Variants in PTPRE observed in about 807,000 individuals in gnomAD.
PTPRE encodes the protein protein tyrosine phosphatase receptor type E.
PTPRE carries 51 observed loss-of-function variants against 102.0 expected under a neutral mutation model. The observed-to-expected ratio is 0.50, with a 90% CI of 0.40 to 0.63. PTPRE has a LOEUF of 0.63. Among genes scored for constraint, PTPRE ranks in the 30% least tolerant of loss-of-function variants. The pLI, the probability that PTPRE is intolerant of heterozygous loss-of-function variation, is 0.00. For synonymous variants in PTPRE, 345 were observed against 348.2 expected, an observed-to-expected ratio of 0.99 and a Z score of 0.10; for missense variants, 752 against 915.1, an observed-to-expected ratio of 0.82 and a Z score of 2.30.
intron 2 of PTPRE, among the ~76,000 whole-genome samples, chr10:128,023,081 CAT>C (rs1174702498): frequency 2.2e-4 from 33 of 152,300 alleles, no homozygotes; most frequent in African/African-American, 7.7e-4. Flanking sequence ...GCCCAAAATA[CAT>C]GAGTAGAGTG....
chr10:128,029,250 T>C (rs115216712), intron 2 of PTPRE, among the ~76,000 whole-genome samples: 1,912 of 152,248 alleles, frequency 0.013, 43 homozygotes, highest in African/African-American at 0.043. Flanking sequence ...TCCTAGTTCT[T>C]GGTGACTTAG....
chr10:128,041,254 G>C (rs758008139), intron 3 of PTPRE, among the ~76,000 whole-genome samples: 1 of 152,166 alleles, frequency 6.6e-6, no homozygotes, highest in East Asian at 1.9e-4. Context: ...CTGGAGGCAG[G>C]AGTGCAAAAG....
intron 2 of PTPRE, among the ~76,000 whole-genome samples, chr10:128,033,377 CA>C (rs1037095826): frequency 2.0e-5 from 3 of 152,180 alleles, no homozygotes; most frequent in African/African-American, 7.2e-5. Context: ...CAGGAATTTT[CA>C]AACAAAATCA....
At chr10:128,076,288 T>G (rs146280071) in intron 17 of PTPRE, among the ~76,000 whole-genome samples, 68 of 152,298 alleles carry the variant, frequency 4.5e-4, no homozygotes, top group African/African-American at 1.6e-3. Context: ...ACATCAACCC[T>G]GGTAGGGAAT....
intron 2 of PTPRE, among the ~76,000 whole-genome samples, chr10:128,016,749 GT>G (rs1845467106): frequency 1.3e-5 from 2 of 152,288 alleles, no homozygotes; most frequent in Admixed American, 6.5e-5. Context: ...TCATGCTACT[GT>G]TTTGGATTTG....
At chr10:127,948,097 A>T (rs1848753912) in intron 1 of PTPRE, among the ~76,000 whole-genome samples, 2 of 152,074 alleles carry the variant, frequency 1.3e-5, no homozygotes, top group Non-Finnish European at 1.5e-5. Context: ...AGCCCTGTAG[A>T]TGCTTAGATG....
At chr10:128,010,223 A>T (rs1265910124) in intron 2 of PTPRE, among the ~76,000 whole-genome samples, 1 of 152,198 alleles carries the variant, frequency 6.6e-6, no homozygotes, top group African/African-American at 2.4e-5. Flanking sequence ...ACCAGAGATT[A>T]CTTCCCATTT....
At position 128,040,970 on chromosome 10, in the gene PTPRE, AC is replaced by A. The variant is rs977472597; in HGVS notation, c.90del (p.Asn30LysfsTer70). 3.1e-6 allele frequency: 5 copies of A among 1,613,966 alleles called. No homozygotes were observed. Among genetic ancestry groups the A allele is most frequent in the Non-Finnish European group, 4.2e-6 (5 of 1,179,998 alleles). On this transcript the variant is annotated frameshift_variant, in exon 3 of 21. Coordinates refer to ENST00000254667, the MANE Select transcript of PTPRE (RefSeq NM_006504.6). LOFTEE classifies it high-confidence loss of function. Reference protein sequence around the residue: ...LRGNETTADSNETTTTSGPPD... With the variant: ...LRGNETTADSXETTTTSGPPD... ...GGCAACGAGACCACTGCCGACAGCAACGAGACAACCACGACCTCAGGTAAGG... is the reference window on the plus strand; with the variant it reads ...GGCAACGAGACCACTGCCGACAGCAAGAGACAACCACGACCTCAGGTAAGG...
At chr10:128,050,603 T>C (rs369599764) in intron 6 of PTPRE, among the ~76,000 whole-genome samples, 2 of 152,376 alleles carry the variant, frequency 1.3e-5, no homozygotes, top group African/African-American at 2.4e-5. Context: ...CCTTCTTGCA[T>C]GTGGCTGTGC....
chr10:127,935,525 G>A (rs1847786563), intron 1 of PTPRE, among the ~76,000 whole-genome samples: 1 of 152,052 alleles, frequency 6.6e-6, no homozygotes, highest in African/African-American at 2.4e-5. Flanking sequence ...CCAGCCTGAG[G>A]GCATCTGGGC....
chr10:127,985,712 T>C (rs958653756), intron 2 of PTPRE, among the ~76,000 whole-genome samples: 3 of 152,254 alleles, frequency 2.0e-5, no homozygotes, highest in African/African-American at 7.2e-5. Context: ...GATTGTAACA[T>C]ATATGCTGGT....
chr10:127,918,094 C>A (rs909679219), intron 1 of PTPRE, among the ~76,000 whole-genome samples: 2 of 151,930 alleles, frequency 1.3e-5, no homozygotes, highest in Non-Finnish European at 2.9e-5. Flanking sequence ...GGTGATGTCT[C>A]CTGCTCCCAC....
intron 20 of PTPRE, among the ~76,000 whole-genome samples, chr10:128,081,579 G>T (rs1851712456): frequency 6.6e-6 from 1 of 152,008 alleles, no homozygotes; most frequent in African/African-American, 2.4e-5. Flanking sequence ...TTCAGTCAAT[G>T]TTGCTTTAAG....
intron 12 of PTPRE, chr10:128,068,614 G>A: frequency 5.1e-6 from 1 of 197,874 alleles, no homozygotes; most frequent in Middle Eastern, 1.9e-3. Context: ...AGATGGAAAT[G>A]AGAGAAAGCC....
chr10:127,941,843 C>A (rs1674847687), intron 1 of PTPRE, among the ~76,000 whole-genome samples: 1 of 151,850 alleles, frequency 6.6e-6, no homozygotes, highest in South Asian at 2.1e-4. Context: ...TGGCCACAAA[C>A]CCCGAATCCC....
chr10:128,028,316 C>T lies in PTPRE; in HGVS notation c.-7-12559C>T, dbSNP rs1420639664. Among the ~76,000 whole-genome samples the T allele has an allele frequency of 6.6e-6, 1 of 152,100 alleles. No individual in the cohort carries two copies. The highest frequency in any genetic ancestry group is 1.9e-4 in the East Asian group (1 of 5,172). On this transcript the variant is annotated intron_variant, in intron 2 of 20. Transcript: ENST00000254667. This position sits in a 1 kb window ranked among gnomAD's most constrained non-coding sequence, Gnocchi z 4.5. ...CGACCTCAGGTGGCCTCACTCCTGGCAGGCAGAAGGGACTCGGGTCACACA... is the reference window on the plus strand; with the variant it reads ...CGACCTCAGGTGGCCTCACTCCTGGTAGGCAGAAGGGACTCGGGTCACACA...
At position 128,008,252 on chromosome 10, in the gene PTPRE, CCT is replaced by C. The variant is rs1428998417; in HGVS notation, c.-8+25962_-8+25963del. Among the ~76,000 whole-genome samples the C allele has an allele frequency of 2.0e-5, 3 of 151,754 alleles. No homozygotes were observed. The highest frequency in any genetic ancestry group is 7.3e-5 in the African/African-American group (3 of 41,340). ...CCCTCCCTCCCTTTCACCCTCCCTC[CCT>C]CTCTCCCTCATTCCCTCCCTCCCTC... On this transcript the variant is annotated intron_variant, in intron 2 of 20. Coordinates refer to ENST00000254667, the MANE Select transcript of PTPRE (RefSeq NM_006504.6). The surrounding 1 kb of genome is among the most constrained non-coding windows in gnomAD (Gnocchi z 4.0).
chr10:127,937,690 C>T (rs1295213963), intron 1 of PTPRE, among the ~76,000 whole-genome samples: 1 of 152,106 alleles, frequency 6.6e-6, no homozygotes, highest in Non-Finnish European at 1.5e-5. Flanking sequence ...GAAACCCCAT[C>T]TCTACTAAAA....
intron 2 of PTPRE, among the ~76,000 whole-genome samples, chr10:128,025,627 G>A (rs567207198): frequency 2.6e-5 from 4 of 152,108 alleles, no homozygotes; most frequent in Non-Finnish European, 5.9e-5. Flanking sequence ...CATGTGGAGG[G>A]AGCCCAGTGC....
Sources: allele counts gnomAD v4.1 joint callset (sites outside exome capture counted in the v4.1 genomes callset), GRCh38; gene constraint gnomAD v4.1.1; non-coding constraint Gnocchi (gnomAD v3.1); transcripts MANE v1.5; gene names NCBI Gene and HGNC (gene_info 2026-07-23, HGNC 2026-07-21).